Variants in EPHB1 observed in about 807,000 individuals in gnomAD.
EPHB1 encodes ephrin type-B receptor 1.
A neutral mutation model predicts 94.4 loss-of-function variants in EPHB1; 30 were observed. The ratio of observed to expected loss-of-function variants is 0.32; its 90% CI spans 0.24 to 0.43. The LOEUF (loss-of-function observed/expected upper bound fraction) is 0.43. Among genes scored for constraint, EPHB1 ranks in the 20% least tolerant of loss-of-function variants. The pLI is 1.00. For synonymous variants in EPHB1, 522 were observed against 489.1 expected, an observed-to-expected ratio of 1.07 and a Z score of -0.89; for missense variants, 1,055 against 1,308.3, an observed-to-expected ratio of 0.81 and a Z score of 2.99.
chr3:134,990,160 C>T (rs1934745458), intron 3 of EPHB1, among the ~76,000 whole-genome samples: 1 of 152,104 alleles, frequency 6.6e-6, no homozygotes, highest in Non-Finnish European at 1.5e-5. Flanking sequence ...CTCTCCCTTC[C>T]CTGAGATTCT....
At chr3:135,214,695 T>G (rs1424003863) in intron 12 of EPHB1, among the ~76,000 whole-genome samples, 3 of 152,226 alleles carry the variant, frequency 2.0e-5, no homozygotes, top group Non-Finnish European at 4.4e-5. Flanking sequence ...ATCCTCGCTG[T>G]GCTTCCAGGA....
At position 134,953,140 on chromosome 3, in the gene EPHB1, C is replaced by T. The variant is rs574008019; in HGVS notation, c.805+1088C>T. ...TTGTGAGCCTCCTGCCAGCTTCCCT[C>T]TCTGATGTCACCCCCACCCTGCCTG... On this transcript the variant is annotated intron_variant, in intron 3 of 15. Coordinates refer to ENST00000398015, the MANE Select transcript of EPHB1 (RefSeq NM_004441.5). Among the ~76,000 whole-genome samples the T allele has an allele frequency of 2.3e-4, 35 of 152,330 alleles. No homozygotes were observed. The South Asian group carries it at 6.6e-3, about 29-fold the overall frequency.
intron 3 of EPHB1, among the ~76,000 whole-genome samples, chr3:134,956,561 G>T (rs1933284539): frequency 6.6e-6 from 1 of 152,086 alleles, no homozygotes; most frequent in Non-Finnish European, 1.5e-5. Flanking sequence ...AGGAGGTGCA[G>T]GTGGATGAAA....
At chr3:135,257,290 G>T (rs28873829) in intron 15 of EPHB1, among the ~76,000 whole-genome samples, 2 of 151,994 alleles carry the variant, frequency 1.3e-5, no homozygotes, top group Admixed American at 6.5e-5. Context: ...GAGGAGAGGC[G>T]CTCTGCTTTT....
At position 134,830,218 on chromosome 3, in the gene EPHB1, A is replaced by G. The variant is rs114201626; in HGVS notation, c.58+34529A>G. Among the ~76,000 whole-genome samples, 1,305 of 152,318 alleles carry G rather than the reference A, an allele frequency of 8.6e-3. 13 individuals are homozygous for G. The highest frequency in any genetic ancestry group is 0.029 in the African/African-American group (1,197 of 41,548). On this transcript the variant is annotated intron_variant, in intron 1 of 15. Coordinates refer to ENST00000398015, the MANE Select transcript of EPHB1 (RefSeq NM_004441.5). ...TCGATTGACAATAAGTTGCAGACAT[A>G]TGCCCATTTACTCCTAATTACTTCA... is the stretch of plus-strand genomic sequence containing the variant.
intron 1 of EPHB1, among the ~76,000 whole-genome samples, chr3:134,828,710 T>A (rs2036529791): frequency 6.6e-6 from 1 of 152,080 alleles, no homozygotes; most frequent in Non-Finnish European, 1.5e-5. Flanking sequence ...CACTTGGGGA[T>A]TGAAGGAGGC....
intron 1 of EPHB1, among the ~76,000 whole-genome samples, chr3:134,886,682 A>G (rs527835002): frequency 3.5e-4 from 53 of 152,318 alleles, no homozygotes; most frequent in African/African-American, 1.2e-3. Context: ...TTGAGTACTC[A>G]CTATGTGCTG....
chr3:135,197,981 C>A (rs1942666810), intron 11 of EPHB1, among the ~76,000 whole-genome samples: 1 of 152,184 alleles, frequency 6.6e-6, no homozygotes, highest in African/African-American at 2.4e-5. Context: ...ACGAATTCAG[C>A]AGACATGACC....
chr3:135,100,651 G>A (rs541743273), intron 3 of EPHB1, among the ~76,000 whole-genome samples: 26 of 152,132 alleles, frequency 1.7e-4, no homozygotes, highest in Non-Finnish European at 3.7e-4. Context: ...GTGGGTGATG[G>A]ACTCAGTGTC....
chr3:134,945,764 A>T (rs1472972510), intron 2 of EPHB1, among the ~76,000 whole-genome samples: 2 of 152,238 alleles, frequency 1.3e-5, no homozygotes, highest in African/African-American at 2.4e-5. Flanking sequence ...CTAGAAGTGG[A>T]GGCTAAGAAG....
At chr3:134,944,486 T>A (rs887463540) in intron 2 of EPHB1, among the ~76,000 whole-genome samples, 1 of 152,250 alleles carries the variant, frequency 6.6e-6, no homozygotes, top group Non-Finnish European at 1.5e-5. Context: ...CATATAAAGA[T>A]GTATGAGAAA....
At chr3:135,077,159 C>T (rs759651240) in intron 3 of EPHB1, among the ~76,000 whole-genome samples, 2 of 152,052 alleles carry the variant, frequency 1.3e-5, no homozygotes, top group African/African-American at 2.4e-5. Flanking sequence ...TGTATTTTGC[C>T]AAAGGAACCA....
At chr3:135,076,085 G>A (rs1388378707) in intron 3 of EPHB1, among the ~76,000 whole-genome samples, 1 of 151,860 alleles carries the variant, frequency 6.6e-6, no homozygotes, top group East Asian at 1.9e-4. Context: ...AGACCTAAAA[G>A]GAAAAACAAA....
chr3:135,178,133 G>A (rs1942036433), intron 9 of EPHB1, among the ~76,000 whole-genome samples: 1 of 151,500 alleles, frequency 6.6e-6, no homozygotes, highest in Admixed American at 6.6e-5. Flanking sequence ...TTCTGGGCAG[G>A]GCACCTGGCC....
At chr3:134,916,598 C>G (rs531536458) in intron 1 of EPHB1, among the ~76,000 whole-genome samples, 3 of 152,356 alleles carry the variant, frequency 2.0e-5, no homozygotes, top group African/African-American at 7.2e-5. Flanking sequence ...CAGCTGCTGG[C>G]CCGGGTGCTA....
In EPHB1 at chr3:134,951,512, A is replaced by G; in HGVS notation, c.265A>G (p.Met89Val). 1 of 1,613,844 alleles carries G rather than the reference A, an allele frequency of 6.2e-7. No individual in the cohort carries two copies. Among genetic ancestry groups the G allele is most frequent in the South Asian group, 1.1e-5 (1 of 91,066 alleles). ...GGGGGCCCATCGCATCTACACAGAGATGCGCTTCACTGTGAGAGACTGCAG... is the reference window on the plus strand; with the variant it reads ...GGGGGCCCATCGCATCTACACAGAGGTGCGCTTCACTGTGAGAGACTGCAG... The part of the protein sequence containing the change: ...RRGAHRIYTE[M>V]RFTVRDCSSL... Residue 89 changes from methionine (M) to valine (V), a missense_variant, in exon 3 of 16, where the codon ATG becomes GTG. Coordinates refer to ENST00000398015, the MANE Select transcript of EPHB1 (RefSeq NM_004441.5). The surrounding 1 kb of genome is among the most constrained non-coding windows in gnomAD (Gnocchi z 4.5).
At chr3:135,009,140 C>A (rs183741706) in intron 3 of EPHB1, among the ~76,000 whole-genome samples, 47 of 152,206 alleles carry the variant, frequency 3.1e-4, no homozygotes, top group African/African-American at 1.0e-3. Context: ...TGATTAGAAA[C>A]CCTGGCTGCA....
intron 7 of EPHB1, among the ~76,000 whole-genome samples, chr3:135,165,487 C>G (rs1052739270): frequency 4.6e-5 from 7 of 152,202 alleles, no homozygotes; most frequent in Non-Finnish European, 1.0e-4. Context: ...TTTCTTTGTC[C>G]TCCACAGTGC....
intron 9 of EPHB1, among the ~76,000 whole-genome samples, chr3:135,171,657 T>C (rs1941804611): frequency 6.6e-6 from 1 of 152,234 alleles, no homozygotes; most frequent in South Asian, 2.1e-4. Flanking sequence ...ACTTGCTGTT[T>C]ATTTGTGTGA....
Sources: gnomAD v4.1 joint callset for allele counts (sites outside exome capture counted in the v4.1 genomes callset) on GRCh38, gnomAD v4.1.1 for gene constraint, Gnocchi (gnomAD v3.1) non-coding constraint, MANE v1.5 for transcripts, NCBI Gene and HGNC (gene_info 2026-07-23, HGNC 2026-07-21) for gene names.